ZFHX3: variants seen among roughly 807,000 people sequenced by gnomAD.
ZFHX3 encodes the protein zinc finger homeobox 3, also known as zinc finger homeobox protein 3.
ZFHX3 carries 42 observed loss-of-function variants against 279.1 expected under a neutral mutation model. That is an observed-to-expected ratio of 0.15 (90% CI 0.12 to 0.19). The LOEUF (loss-of-function observed/expected upper bound fraction) is 0.19, where lower values mean the gene tolerates loss of function less well. Among genes scored for constraint, ZFHX3 ranks in the 10% least tolerant of loss-of-function variants. The probability of loss-of-function intolerance (pLI) is 1.00; values close to 1 mark genes in which losing one functional copy is unlikely to be tolerated. For synonymous variants in ZFHX3, 2,293 were observed against 1,957.8 expected (o/e 1.17, Z -4.52); for missense variants, 4,981 against 4,754.0 (o/e 1.05, Z -1.40).
At chr16:73,270,975 A>T (rs1212700382) in intron 4 of ZFHX3, among the ~76,000 whole-genome samples, 2 of 152,212 alleles carry the variant, frequency 1.3e-5, no homozygotes, top group Non-Finnish European at 2.9e-5. Context: ...AATACTAAGC[A>T]TGGAATTTTT....
chr16:72,887,436 A>C (rs1201380562), intron 4 of ZFHX3, among the ~76,000 whole-genome samples: 2 of 152,234 alleles, frequency 1.3e-5, no homozygotes, highest in Non-Finnish European at 2.9e-5. Context: ...AGTTATAATA[A>C]TGAAAACACT....
chr16:72,984,233 G>A (rs932659940), intron 1 of ZFHX3, among the ~76,000 whole-genome samples: 22 of 152,186 alleles, frequency 1.4e-4, no homozygotes, highest in African/African-American at 5.3e-4. Flanking sequence ...TCAGGAAGGT[G>A]GCAGCTGCCC....
chr16:72,958,546 G>A lies in ZFHX3; in HGVS notation c.1600C>T (p.Pro534Ser). 6.2e-7 allele frequency: 1 copy of A among 1,614,068 alleles called. No homozygotes were observed. Among genetic ancestry groups the A allele is most frequent in the East Asian group, 2.2e-5 (1 of 44,862 alleles). The change falls in exon 2 of 10, where the codon CCC (proline) becomes TCC (serine). Residue 534 changes from proline (P) to serine (S), a missense_variant. Pro to Ser is a moderately conservative substitution (Grantham distance 74, BLOSUM62 -1). Around this residue, in one of 7 missense-constraint regions of ZFHX3, gnomAD observed 1,068 missense variants for 935.2 expected, o/e 1.14. Transcript: ENST00000268489. ...ALSNQSISNS[P>S]LMPNVLQTLS... ...GTCTGGAGCACGTTAGGCATTAAGG[G>A]GGAGTTAGAAATGCTTTGGTTTGAG...
chr16:72,794,855 G>A lies in ZFHX3; in HGVS notation c.7827C>T (p.Ser2609=). The A allele has an allele frequency of 6.2e-7, 1 of 1,614,038 alleles. No individual in the cohort carries two copies. Among genetic ancestry groups the A allele is most frequent in the South Asian group, 1.1e-5 (1 of 91,074 alleles). Residue 2609 remains serine (S), a synonymous_variant, in exon 9 of 10, where the codon TCC becomes TCT. Coordinates refer to ENST00000268489, the MANE Select transcript of ZFHX3 (RefSeq NM_006885.4). The surrounding 1 kb of genome is among the most constrained non-coding windows in gnomAD (Gnocchi z 4.2). ...SSATSPSTPT[S]TMNTLKRKLE... is the part of the protein sequence containing the mutation. ...GCTTCCTCTTGAGAGTGTTCATTGT[G>A]GAGGTTGGAGTTGAAGGAGAAGTGG...
rs541140272 is a variant in ZFHX3 at position 72,785,975 on chromosome 16, T to G, written c.*1189A>C. The G allele has an allele frequency of 2.0e-5, 3 of 152,230 alleles. No homozygotes were observed. Among genetic ancestry groups the G allele is most frequent in the Non-Finnish European group, 4.4e-5 (3 of 68,038 alleles). The allele number at this position is 152,230 out of a possible 1,614,324, so 9.4% of individuals were successfully genotyped here. On this transcript the variant is annotated 3_prime_UTR_variant, in exon 10 of 10. Transcript: ENST00000268489. ...ACCCCTAGAATCCCTTGAAATTCTT[T>G]CTTTAGTTTTATAAAATAATTCTGC... is the stretch of plus-strand genomic sequence containing the variant.
rs555303621 is a variant in ZFHX3 at position 73,170,374 on chromosome 16, T to C, written c.-1103-26543A>G. ...GCCTCCTGAGTAGCTGGGACTACAGTCACATGTCACCAGACCCAGCTAATT... is the reference window on the plus strand; with the variant it reads ...GCCTCCTGAGTAGCTGGGACTACAGCCACATGTCACCAGACCCAGCTAATT... On this transcript the variant is annotated intron_variant, in intron 5 of 17. Transcript: ENST00000641206. 6.6e-5 allele frequency among the ~76,000 whole-genome samples: 10 copies of C among 151,780 alleles called. No homozygotes were observed. In the East Asian group the frequency reaches 1.9e-3, roughly 29 times the overall value.
chr16:73,123,394 A>T (rs1305329657), intron 7 of ZFHX3: 1 of 146,678 alleles, frequency 6.8e-6, no homozygotes, highest in East Asian at 2.0e-4. Flanking sequence ...TCCAGCCATC[A>T]TGTGAAGAAG....
At chr16:72,979,433 C>T (rs1469989990) in intron 1 of ZFHX3, among the ~76,000 whole-genome samples, 2 of 152,190 alleles carry the variant, frequency 1.3e-5, no homozygotes, top group African/African-American at 2.4e-5. Context: ...CAGGCCATTT[C>T]GCCATAGGAA....
At chr16:73,608,837 T>G (rs1182503763) in intron 2 of ZFHX3, 2 of 152,148 alleles carry the variant, frequency 1.3e-5, no homozygotes, top group African/African-American at 4.8e-5. Flanking sequence ...AACAACAACC[T>G]TTAAAACGAA....
At chr16:73,680,363 A>C (rs868746127) in intron 1 of ZFHX3, 2 of 152,232 alleles carry the variant, frequency 1.3e-5, no homozygotes, top group Non-Finnish European at 1.5e-5. Context: ...TTCTGAGTGG[A>C]AAGTTGCTAA....
chr16:73,768,352 G>A (rs1260224297), intron 1 of ZFHX3, among the ~76,000 whole-genome samples: 2 of 152,134 alleles, frequency 1.3e-5, no homozygotes, highest in Non-Finnish European at 2.9e-5. Context: ...GGCACCAATG[G>A]AAAGTACCAG....
intron 1 of ZFHX3, among the ~76,000 whole-genome samples, chr16:72,991,848 ACATTCTGGT>A: frequency 6.6e-6 from 1 of 152,202 alleles, no homozygotes; most frequent in East Asian, 1.9e-4. Flanking sequence ...TGAACTTTGT[ACATTCTGGT>A]CATTAGCCAG....
intron 3 of ZFHX3, among the ~76,000 whole-genome samples, chr16:73,350,326 C>T (rs926787030): frequency 3.9e-5 from 6 of 152,184 alleles, no homozygotes; most frequent in Non-Finnish European, 7.3e-5. Context: ...AATTGGCTGA[C>T]AGGGTTTGGG....
chr16:73,127,469 A>G, intron 7 of ZFHX3: 4 of 1,305,484 alleles, frequency 3.1e-6, no homozygotes, highest in Non-Finnish European at 4.0e-6. Flanking sequence ...AGAGCCGGGC[A>G]TCGACAGGCA....
At chr16:73,466,943 A>G (rs1292276815) in intron 2 of ZFHX3, among the ~76,000 whole-genome samples, 2 of 150,168 alleles carry the variant, frequency 1.3e-5, no homozygotes, top group African/African-American at 5.0e-5. Context: ...CTTTGAGCAA[A>G]GAGGAGGCGA....
intron 7 of ZFHX3, among the ~76,000 whole-genome samples, chr16:73,106,724 G>C (rs1289403632): frequency 6.6e-6 from 1 of 152,166 alleles, no homozygotes; most frequent in Non-Finnish European, 1.5e-5. Context: ...ATTCATCATG[G>C]AAGCCCTGCC....
Position 72,797,637 on chromosome 16 carries a change from T to G in ZFHX3, c.5045A>C (p.Gln1682Pro). The G allele has an allele frequency of 6.2e-7, 1 of 1,614,182 alleles. No homozygotes were observed. The highest frequency in any genetic ancestry group is 1.1e-5 in the South Asian group (1 of 91,076). ...CATCCCTACACTCTCAGTGGGCACT[T>G]GGCTTAGTAAGTTAGAGCTTGGAGC... ...GIAPSSNLLS[Q>P]VPTESVGMPP... Residue 1682 changes from glutamine to proline, a missense_variant, in exon 9 of 10, where the codon CAA becomes CCA. Transcript: ENST00000268489.
At chr16:72,833,064 C>G (rs958275558) in intron 4 of ZFHX3, among the ~76,000 whole-genome samples, 1 of 152,134 alleles carries the variant, frequency 6.6e-6, no homozygotes, top group Admixed American at 6.5e-5. Flanking sequence ...CAGCTCAGGC[C>G]CACGATGCTT....
chr16:73,630,022 C>G (rs2052453369), intron 2 of ZFHX3, among the ~76,000 whole-genome samples: 1 of 152,084 alleles, frequency 6.6e-6, no homozygotes, highest in African/African-American at 2.4e-5. Context: ...CCATCCCCGG[C>G]CCATCCATCA....
Sources: allele counts gnomAD v4.1 joint callset (sites outside exome capture counted in the v4.1 genomes callset), GRCh38; gene constraint gnomAD v4.1.1; regional missense constraint gnomAD v4.1.1; non-coding constraint Gnocchi (gnomAD v3.1); transcripts MANE v1.5; gene names NCBI Gene and HGNC (gene_info 2026-07-23, HGNC 2026-07-21).